Variants in MDFIC2 observed in about 807,000 individuals in gnomAD.
MDFIC2 encodes MyoD family inhibitor domain containing 2.
At chr3:70,278,019 A>G (rs1222586740) in intron 2 of MDFIC2, among the ~76,000 whole-genome samples, 1 of 152,178 alleles carries the variant, frequency 6.6e-6, no homozygotes, top group Non-Finnish European at 1.5e-5. Context: ...CCGTTTTTAC[A>G]AACGTGTACA....
At chr3:70,232,409 T>A (rs531189385) in intron 2 of MDFIC2, among the ~76,000 whole-genome samples, 1 of 151,916 alleles carries the variant, frequency 6.6e-6, no homozygotes, top group South Asian at 2.1e-4. Flanking sequence ...TTCCTATTTT[T>A]TTTTTTTTCT....
At chr3:70,250,388 C>T (rs1322949638) in intron 2 of MDFIC2, among the ~76,000 whole-genome samples, 2 of 148,872 alleles carry the variant, frequency 1.3e-5, no homozygotes, top group East Asian at 2.0e-4. Context: ...TGACAATATT[C>T]GGTATTTTTC....
rs1276110391 is a variant in MDFIC2, at chr3:70,288,592, G to A, written c.88+23294C>T. The stretch of plus-strand genomic sequence containing the variant: ...TATTAGGTCCACTTGCTGCAGAGCT[G>A]AGTTCAATTCCTGGGTATCCTTGTT... On this transcript the variant is annotated intron_variant, in intron 2 of 3. Coordinates refer to ENST00000567252, the MANE Select transcript of MDFIC2 (RefSeq NM_001364677.1). Among the ~76,000 whole-genome samples, 113 of 149,476 alleles carry A rather than the reference G, an allele frequency of 7.6e-4. 1 individual carries two copies. Among genetic ancestry groups the A allele is most frequent in the African/African-American group, 2.7e-3 (111 of 40,422 alleles).
chr3:70,268,832 A>G (rs936489488), intron 2 of MDFIC2, among the ~76,000 whole-genome samples: 4 of 152,208 alleles, frequency 2.6e-5, no homozygotes, highest in Admixed American at 2.0e-4. Flanking sequence ...TATTCTTACT[A>G]AATATTTTGT....
intron 2 of MDFIC2, among the ~76,000 whole-genome samples, chr3:70,236,293 T>C (rs1257261556): frequency 6.6e-6 from 1 of 152,142 alleles, no homozygotes; most frequent in East Asian, 1.9e-4. Context: ...GACTTTAAAC[T>C]CCCTGCACTT....
chr3:70,284,819 G>T (rs1018920653), intron 2 of MDFIC2, among the ~76,000 whole-genome samples: 4 of 152,184 alleles, frequency 2.6e-5, no homozygotes, highest in African/African-American at 9.6e-5. Context: ...CCTGGGTCAT[G>T]AAATAGTCTG....
intron 2 of MDFIC2, among the ~76,000 whole-genome samples, chr3:70,240,441 T>A (rs1701656343): frequency 6.6e-6 from 1 of 152,110 alleles, no homozygotes; most frequent in South Asian, 2.1e-4. Flanking sequence ...AGAACATATA[T>A]TTTTGACACA....
At chr3:70,286,278 G>A (rs1350038551) in intron 2 of MDFIC2, among the ~76,000 whole-genome samples, 1 of 152,204 alleles carries the variant, frequency 6.6e-6, no homozygotes, top group Non-Finnish European at 1.5e-5. Flanking sequence ...TCTACATATG[G>A]CTAGCCAGTT....
intron 2 of MDFIC2, among the ~76,000 whole-genome samples, chr3:70,208,649 T>G (rs1701313114): frequency 6.6e-6 from 1 of 151,970 alleles, no homozygotes; most frequent in African/African-American, 2.4e-5. Flanking sequence ...TCTTCTGCAT[T>G]TGAGACAAGA....
chr3:70,228,038 A>G (rs1701525255), intron 2 of MDFIC2, among the ~76,000 whole-genome samples: 1 of 151,634 alleles, frequency 6.6e-6, no homozygotes, highest in South Asian at 2.1e-4. Flanking sequence ...CAATATAAAT[A>G]ATATCCAACA....
intron 2 of MDFIC2, 125 bp from the exon 3 acceptor site, chr3:70,206,915 GTAT>G (rs1386540399): frequency 7.6e-6 from 3 of 392,712 alleles, no homozygotes; most frequent in African/African-American, 2.1e-5. Flanking sequence ...AACAAATGAA[GTAT>G]TATTGAGCAA....
At chr3:70,262,242 T>C (rs1701874089) in intron 2 of MDFIC2, among the ~76,000 whole-genome samples, 1 of 152,124 alleles carries the variant, frequency 6.6e-6, no homozygotes, top group African/African-American at 2.4e-5. Flanking sequence ...ATTATACCAA[T>C]AACGTGAGAC....
chr3:70,276,378 A>T (rs764793731), intron 2 of MDFIC2, among the ~76,000 whole-genome samples: 28 of 152,308 alleles, frequency 1.8e-4, no homozygotes, highest in Non-Finnish European at 3.5e-4. Flanking sequence ...AATGTATGTT[A>T]ATTCTATTGT....
At chr3:70,295,061 C>G (rs760067449) in intron 2 of MDFIC2, among the ~76,000 whole-genome samples, 5 of 152,112 alleles carry the variant, frequency 3.3e-5, no homozygotes, top group African/African-American at 1.2e-4. Flanking sequence ...TGATCTGTTG[C>G]CTAAAATTAT....
At chr3:70,259,636 A>G (rs1186646387) in intron 2 of MDFIC2, among the ~76,000 whole-genome samples, 2 of 152,168 alleles carry the variant, frequency 1.3e-5, no homozygotes, top group East Asian at 3.9e-4. Flanking sequence ...ACACCCTGAA[A>G]GTCTGACGTG....
At chr3:70,272,119 G>T (rs1488795433) in intron 2 of MDFIC2, 1 of 152,170 alleles carries the variant, frequency 6.6e-6, no homozygotes, top group South Asian at 2.1e-4. Context: ...CATGCCCAGA[G>T]TTGCTCAGCA....
chr3:70,253,722 C>T lies in MDFIC2; in HGVS notation c.89-46932G>A, dbSNP rs369073959. 3.6e-4 allele frequency among the ~76,000 whole-genome samples: 54 copies of T among 152,004 alleles called. 2 individuals are homozygous for T. The Middle Eastern group carries it at 0.014, about 38-fold the overall frequency. On this transcript the variant is annotated intron_variant, in intron 2 of 3. Coordinates refer to ENST00000567252, the MANE Select transcript of MDFIC2 (RefSeq NM_001364677.1). ...TGGGCTACAGTGCAAAACCCCAACT[C>T]TAAAAAAAGTAAAAATACAAATAAA...
At chr3:70,224,206 A>T (rs904685897) in intron 2 of MDFIC2, among the ~76,000 whole-genome samples, 1 of 152,154 alleles carries the variant, frequency 6.6e-6, no homozygotes, top group African/African-American at 2.4e-5. Flanking sequence ...TTTTCTTCTC[A>T]GTTTATAAGT....
rs189641925 is a variant in MDFIC2, at chr3:70,251,908, G to T, written c.89-45118C>A. 5.4e-3 allele frequency among the ~76,000 whole-genome samples: 815 copies of T among 152,270 alleles called. 2 individuals carry two copies. The highest frequency in any genetic ancestry group is 8.6e-3 in the Non-Finnish European group (584 of 68,020). On this transcript the variant is annotated intron_variant, in intron 2 of 3. Transcript: ENST00000567252. ...TTGCCATTGAAATTTGGGATGTCTT[G>T]TTACACTGTAATTATGGCAATATTT...
Sources: allele counts gnomAD v4.1 joint callset (sites outside exome capture counted in the v4.1 genomes callset), GRCh38; gene constraint gnomAD v4.1.1; transcripts MANE v1.5; gene names NCBI Gene and HGNC (gene_info 2026-07-23, HGNC 2026-07-21).